The following EDA variants were observed in gnomAD, a reference collection of about 807,000 sequenced individuals.
The protein encoded by EDA is ectodysplasin A.
EDA carries 2 observed loss-of-function variants against 23.6 expected under a neutral mutation model. The observed-to-expected ratio is 0.08, with a 90% CI of 0.03 to 0.27. The LOEUF (loss-of-function observed/expected upper bound fraction) is 0.27. Ranked by LOEUF, EDA falls within the 10% of genes least tolerant of loss-of-function variation. The pLI, the probability that EDA is intolerant of heterozygous loss-of-function variation, is 1.00. For missense variants in EDA, 229 were observed against 324.2 expected, an observed-to-expected ratio of 0.71 and a Z score of 2.26; for synonymous variants, 131 against 132.0, an observed-to-expected ratio of 0.99 and a Z score of 0.05.
At chrX:69,772,923 T>A (rs921908401) in intron 1 of EDA, among the ~76,000 whole-genome samples, 2 of 111,771 alleles carry the variant, frequency 1.8e-5, no homozygotes, top group Non-Finnish European at 3.8e-5. Flanking sequence ...CTTTAGACTG[T>A]ACCATTCAGT....
intron 1 of EDA, among the ~76,000 whole-genome samples, chrX:69,717,939 T>C (rs1244245988): frequency 1.8e-5 from 2 of 111,637 alleles, no homozygotes; most frequent in Non-Finnish European, 1.9e-5. Context: ...TCATGAGATA[T>C]GGTTGTTTAA....
rs765610687 is a variant in EDA, at chrX:69,975,278, G to A, written c.502+18146G>A. Reference sequence around the variant, plus strand: ...GTTCATATACACCGTGGAATATAACGCAGCTATAAAAAAGAATAAAAGTAT... The same window carrying A: ...GTTCATATACACCGTGGAATATAACACAGCTATAAAAAAGAATAAAAGTAT... On this transcript the variant is annotated intron_variant, in intron 2 of 7. Coordinates refer to ENST00000374552, the MANE Select transcript of EDA (RefSeq NM_001399.5). Among the ~76,000 whole-genome samples, 19 of 111,678 alleles carry A rather than the reference G, an allele frequency of 1.7e-4. No homozygotes were observed. The East Asian group carries it at 5.3e-3, about 31-fold the overall frequency.
chrX:69,821,048 A>G (rs1351768975), intron 1 of EDA, among the ~76,000 whole-genome samples: 1 of 111,734 alleles, frequency 8.9e-6, no homozygotes, highest in African/African-American at 3.3e-5. Flanking sequence ...ATGGAATACT[A>G]TGCAGCCATA....
intron 1 of EDA, among the ~76,000 whole-genome samples, chrX:69,832,342 G>A: frequency 9.0e-6 from 1 of 111,458 alleles, no homozygotes; most frequent in East Asian, 2.8e-4. Context: ...AGATCAGATG[G>A]TTGTAGATGT....
At position 69,616,118 on chromosome X, in the gene EDA, T is replaced by C; in HGVS notation, c.-191T>C. 1 of 423,691 alleles carries C rather than the reference T, an allele frequency of 2.4e-6. No homozygotes were observed. The highest frequency in any genetic ancestry group is 4.0e-6 in the Non-Finnish European group (1 of 252,139). The allele number at this position is 423,691 out of a possible 1,213,427, so 34.9% of individuals were successfully genotyped here. A position where few individuals can be genotyped will look rare whatever the true frequency, so the allele number is the denominator to read the frequency against. On this transcript the variant is annotated 5_prime_UTR_variant, in exon 1 of 8. Coordinates refer to ENST00000374552, the MANE Select transcript of EDA (RefSeq NM_001399.5). ...TCTCTCCCGCCCCTCCTCCTCCCTT[T>C]CCCACCCCTCGGAGTAGAGCTGCAC...
chrX:69,920,098 T>C (rs1824657870), intron 1 of EDA, among the ~76,000 whole-genome samples: 1 of 111,319 alleles, frequency 9.0e-6, no homozygotes, highest in Non-Finnish European at 1.9e-5. Flanking sequence ...AGAAATACCA[T>C]TTTTTCCCTT....
chrX:69,833,811 A>G (rs2016690956), intron 1 of EDA, among the ~76,000 whole-genome samples: 1 of 110,302 alleles, frequency 9.1e-6, no homozygotes, highest in Non-Finnish European at 1.9e-5. Context: ...TTCTTTCTTT[A>G]TATATATATA....
intron 2 of EDA, among the ~76,000 whole-genome samples, chrX:69,987,354 A>G (rs2147460989): frequency 9.2e-6 from 1 of 108,918 alleles, no homozygotes; most frequent in African/African-American, 3.3e-5. Flanking sequence ...AGTGACTTCC[A>G]TTTCCACCAA....
intron 1 of EDA, among the ~76,000 whole-genome samples, chrX:69,939,429 T>A (rs1385420988): frequency 9.0e-6 from 1 of 111,556 alleles, no homozygotes; most frequent in Non-Finnish European, 1.9e-5. Context: ...CTGTGTTGAT[T>A]TTTTTTTATC....
chrX:69,894,188 C>T (rs962326663), intron 1 of EDA, among the ~76,000 whole-genome samples: 1 of 111,301 alleles, frequency 9.0e-6, no homozygotes, highest in Non-Finnish European at 1.9e-5. Flanking sequence ...TTGCTTTTGT[C>T]GACTTTGTTG....
intron 1 of EDA, among the ~76,000 whole-genome samples, chrX:69,824,009 G>A (rs2016327341): frequency 1.3e-5 from 1 of 79,982 alleles, no homozygotes; most frequent in Non-Finnish European, 2.3e-5. Context: ...GATAGTTGTA[G>A]ATATGTGGCG....
At chrX:69,626,692 G>A (rs1932397179) in intron 1 of EDA, among the ~76,000 whole-genome samples, 1 of 111,350 alleles carries the variant, frequency 9.0e-6, no homozygotes, top group South Asian at 3.8e-4. Flanking sequence ...TATTGGGGAT[G>A]AAAATATTCT....
chrX:69,749,220 A>G (rs1276330360), intron 1 of EDA, among the ~76,000 whole-genome samples: 1 of 85,702 alleles, frequency 1.2e-5, no homozygotes, highest in Non-Finnish European at 2.3e-5. Context: ...TAGTTTACTG[A>G]GAATGATGGT....
At chrX:69,668,456 T>A (rs1348035001) in intron 1 of EDA, among the ~76,000 whole-genome samples, 2 of 112,209 alleles carry the variant, frequency 1.8e-5, no homozygotes, top group African/African-American at 3.2e-5. Flanking sequence ...AAGGTTTTTT[T>A]ATACATTTGT....
chrX:69,995,075 A>G (rs1402966994), intron 2 of EDA, among the ~76,000 whole-genome samples: 1 of 112,244 alleles, frequency 8.9e-6, no homozygotes, highest in Non-Finnish European at 1.9e-5. Flanking sequence ...TAAACAACAC[A>G]TGTCAAAAAT....
At chrX:69,857,024 T>A (rs1301423541) in intron 1 of EDA, among the ~76,000 whole-genome samples, 1 of 112,160 alleles carries the variant, frequency 8.9e-6, no homozygotes, top group Non-Finnish European at 1.9e-5. Context: ...AAGTCCTTGA[T>A]CCATCTTGAG....
chrX:69,692,704 C>T (rs1934747832), intron 1 of EDA, among the ~76,000 whole-genome samples: 1 of 111,832 alleles, frequency 8.9e-6, no homozygotes, highest in Non-Finnish European at 1.9e-5. Flanking sequence ...TAATTTCTCT[C>T]CTATGACTCA....
intron 2 of EDA, among the ~76,000 whole-genome samples, chrX:69,964,718 G>A (rs372530653): frequency 9.0e-6 from 1 of 111,336 alleles, no homozygotes; most frequent in Non-Finnish European, 1.9e-5. Flanking sequence ...TGAACTGCTA[G>A]CTCACTTCTG....
chrX:69,626,375 A>T (rs1415793557), intron 1 of EDA, among the ~76,000 whole-genome samples: 2 of 112,227 alleles, frequency 1.8e-5, no homozygotes, highest in African/African-American at 6.5e-5. Flanking sequence ...TAGCAGCATT[A>T]TTCATAATAG....
Sources: allele counts gnomAD v4.1 joint callset (sites outside exome capture counted in the v4.1 genomes callset), GRCh38; gene constraint gnomAD v4.1.1; transcripts MANE v1.5; gene names NCBI Gene and HGNC (gene_info 2026-07-23, HGNC 2026-07-21).